The following FOXK2 variants were observed in gnomAD, a reference collection of about 807,000 sequenced individuals.
FOXK2 encodes the protein forkhead box protein K2.
A neutral mutation model predicts 53.3 loss-of-function variants in FOXK2; 24 were observed. The observed-to-expected ratio is 0.45, with a 90% CI of 0.33 to 0.63. The LOEUF is 0.63. FOXK2 is among the 30% of genes least tolerant of loss of function. The pLI is 0.03. For missense variants in FOXK2, 952 were observed against 910.5 expected (o/e 1.05, Z -0.59); for synonymous variants, 505 against 407.1 (o/e 1.24, Z -2.89).
intron 8 of FOXK2, among the ~76,000 whole-genome samples, chr17:82,596,714 T>C (rs978920225): frequency 9.2e-5 from 14 of 152,234 alleles, no homozygotes; most frequent in Non-Finnish European, 1.9e-4. Context: ...CCAAGCCTGC[T>C]GGCGTCTTGA....
intron 2 of FOXK2, 88 bp downstream of exon 2, chr17:82,563,636 AT>A (rs2044821999): frequency 8.5e-7 from 1 of 1,175,188 alleles, no homozygotes; most frequent in Non-Finnish European, 1.2e-6. Context: ...GTGCTGACTT[AT>A]GTGGAGAGAG....
At chr17:82,529,605 C>G (rs1177648057) in intron 1 of FOXK2, among the ~76,000 whole-genome samples, 1 of 152,232 alleles carries the variant, frequency 6.6e-6, no homozygotes, top group East Asian at 1.9e-4. Context: ...AGGCTGATCT[C>G]GGACTCCTGA....
At chr17:82,591,738 C>G (rs1197607851) in intron 8 of FOXK2, among the ~76,000 whole-genome samples, 1 of 152,234 alleles carries the variant, frequency 6.6e-6, no homozygotes, top group African/African-American at 2.4e-5. Flanking sequence ...CAAGCACCCT[C>G]AGAGCTCGCT....
chr17:82,582,536 C>T (rs895161792), intron 4 of FOXK2, among the ~76,000 whole-genome samples: 7 of 152,154 alleles, frequency 4.6e-5, no homozygotes, highest in African/African-American at 1.4e-4. Context: ...TGGGTTTTCA[C>T]GCTTCCCCAT....
At position 82,584,549 on chromosome 17, in the gene FOXK2, C is replaced by CTTTTT. The variant is rs34083156; in HGVS notation, c.1279+382_1279+386dup. On this transcript the variant is annotated intron_variant, in intron 6 of 8. Transcript: ENST00000335255. ...TAGACACTGGAAGCAAAAACATGTC[C>CTTTTT]TTTTTTTTTTTTTTTTTTTTTTTTT... Among the ~76,000 whole-genome samples the CTTTTT allele has an allele frequency of 7.1e-4, 64 of 89,880 alleles. 3 individuals carry two copies. Among genetic ancestry groups the CTTTTT allele is most frequent in the African/African-American group, 2.1e-3 (51 of 24,474 alleles). 59.0% of individuals were successfully genotyped at this position (89,880 alleles called of 152,430 possible).
chr17:82,584,776 C>G lies in FOXK2; in HGVS notation c.1279+588C>G, dbSNP rs548431215. Reference sequence around the variant, plus strand: ...GGCCAGGATGGTCTCAATCTCTTGACCTCGTGACCTCATGATCCACCTGCC... The same window carrying G: ...GGCCAGGATGGTCTCAATCTCTTGAGCTCGTGACCTCATGATCCACCTGCC... On this transcript the variant is annotated intron_variant, in intron 6 of 8. Transcript: ENST00000335255. Among the ~76,000 whole-genome samples, 3 of 152,282 alleles carry G rather than the reference C, an allele frequency of 2.0e-5. No individual in the cohort carries two copies. The South Asian group carries it at 6.2e-4, about 32-fold the overall frequency.
intron 8 of FOXK2, among the ~76,000 whole-genome samples, chr17:82,597,892 C>T (rs1244335390): frequency 2.0e-5 from 3 of 152,164 alleles, no homozygotes; most frequent in Non-Finnish European, 4.4e-5. Flanking sequence ...TCAGGTGATC[C>T]GCCCACCTTG....
intron 8 of FOXK2, among the ~76,000 whole-genome samples, chr17:82,589,532 A>T (rs1347408466): frequency 2.0e-5 from 3 of 152,266 alleles, no homozygotes. Context: ...CTTTAAAGGA[A>T]ACCACCTGAT....
Position 82,601,264 on chromosome 17 carries a change from G to T in FOXK2, c.1787-39G>T, listed in dbSNP as rs371933627. On this transcript the variant is annotated intron_variant, in intron 8 of 8. Transcript: ENST00000335255. ...GGGGTTCTGAGTCGCGAGGGTTCAC[G>T]TGAGAGCGTGGGGTTCTGACTCCCT... 1.4e-4 allele frequency: 216 copies of T among 1,589,220 alleles called. 2 individuals are homozygous for T. The South Asian group carries it at 2.2e-3, about 16-fold the overall frequency.
chr17:82,541,784 C>T (rs2044577170), intron 1 of FOXK2, among the ~76,000 whole-genome samples: 1 of 151,896 alleles, frequency 6.6e-6, no homozygotes, highest in Admixed American at 6.6e-5. Context: ...GATCATGGCT[C>T]ACTGCTCCCT....
chr17:82,582,556 C>T (rs146861016), intron 4 of FOXK2, among the ~76,000 whole-genome samples, 185 bp from the exon 5 acceptor site: 1 of 152,270 alleles, frequency 6.6e-6, no homozygotes, highest in Non-Finnish European at 1.5e-5. Flanking sequence ...TAGGATGGGC[C>T]TTCCTTAAAT....
At chr17:82,583,015 AAATG>A in intron 5 of FOXK2, 81 bp downstream of exon 5, 1 of 1,058,160 alleles carries the variant, frequency 9.5e-7, no homozygotes, top group Non-Finnish European at 1.3e-6. Context: ...TTCCTTTTGA[AAATG>A]AAGGAACTAC....
intron 8 of FOXK2, 176 bp from the exon 9 acceptor site, chr17:82,601,127 C>G (rs1178434466): frequency 7.3e-6 from 5 of 683,964 alleles, no homozygotes; most frequent in Non-Finnish European, 1.2e-5. Context: ...GTGGGCCAGT[C>G]CCTGGGGTCT....
chr17:82,559,515 C>G (rs2044770353), intron 1 of FOXK2: 5 of 456,104 alleles, frequency 1.1e-5, no homozygotes, highest in South Asian at 3.1e-5. Flanking sequence ...GAACACGTCC[C>G]CACGTGGGAC....
At chr17:82,538,300 C>T (rs999209310) in intron 1 of FOXK2, among the ~76,000 whole-genome samples, 3 of 152,158 alleles carry the variant, frequency 2.0e-5, no homozygotes, top group Non-Finnish European at 4.4e-5. Context: ...CCAGCCTGGC[C>T]AACATAGTGA....
intron 8 of FOXK2, among the ~76,000 whole-genome samples, chr17:82,596,651 C>CTTCA (rs932815055): frequency 1.1e-4 from 11 of 104,508 alleles, no homozygotes; most frequent in Admixed American, 9.2e-4. Context: ...TTAAAAATCG[C>CTTCA]TTCAGCCATT....
At chr17:82,573,932 G>A (rs1048645338) in intron 4 of FOXK2, among the ~76,000 whole-genome samples, 3 of 152,248 alleles carry the variant, frequency 2.0e-5, no homozygotes, top group Non-Finnish European at 4.4e-5. Flanking sequence ...GTTTTGGGGG[G>A]GCCCAAGTCA....
At chr17:82,557,674 G>C (rs535459474) in intron 1 of FOXK2, among the ~76,000 whole-genome samples, 11 of 151,664 alleles carry the variant, frequency 7.3e-5, no homozygotes, top group Admixed American at 6.6e-4. Context: ...CTAGAAATGG[G>C]ATCTTGCTCT....
chr17:82,535,713 G>T (rs182155640), intron 1 of FOXK2, among the ~76,000 whole-genome samples: 4 of 150,412 alleles, frequency 2.7e-5, no homozygotes, highest in Admixed American at 2.0e-4. Context: ...TCACACACAC[G>T]TTGTTTTCCT....
Sources: allele counts gnomAD v4.1 joint callset (sites outside exome capture counted in the v4.1 genomes callset), GRCh38; gene constraint gnomAD v4.1.1; transcripts MANE v1.5; gene names NCBI Gene and HGNC (gene_info 2026-07-23, HGNC 2026-07-21).